RNLS: variants seen among roughly 807,000 people sequenced by gnomAD.
The protein encoded by RNLS is renalase, FAD dependent amine oxidase.
Under a neutral mutation model 39.8 loss-of-function variants are expected in RNLS, and 39 were observed. The ratio of observed to expected loss-of-function variants is 0.98; its 90% CI spans 0.76 to 1.28. The LOEUF (loss-of-function observed/expected upper bound fraction) is 1.28. Among genes scored for constraint, RNLS ranks in the 50% most tolerant of loss-of-function variants. The pLI is 0.00. For missense variants in RNLS, 410 were observed against 413.3 expected (o/e 0.99, Z 0.07); for synonymous variants, 147 against 150.7 (o/e 0.98, Z 0.18).
chr10:88,272,800 T>C (rs548233064), downstream of RNLS, among the ~76,000 whole-genome samples: 2 of 152,324 alleles, frequency 1.3e-5, no homozygotes, highest in Admixed American at 1.3e-4. Context: ...AATTGCAAAA[T>C]TGCTTTGAAT....
intron 6 of RNLS, among the ~76,000 whole-genome samples, chr10:88,304,742 G>T (rs1007798844): frequency 1.3e-5 from 2 of 152,090 alleles, no homozygotes; most frequent in Non-Finnish European, 2.9e-5. Flanking sequence ...GAGATGAAAA[G>T]AATAGAACCA....
At chr10:88,368,229 C>T (rs561073192) in intron 4 of RNLS, among the ~76,000 whole-genome samples, 17 of 151,618 alleles carry the variant, frequency 1.1e-4, no homozygotes, top group South Asian at 4.2e-4. Flanking sequence ...CCAAATATAT[C>T]GAATACTACT....
chr10:88,329,682 C>A (rs1342022250), intron 5 of RNLS, among the ~76,000 whole-genome samples: 1 of 151,214 alleles, frequency 6.6e-6, no homozygotes, highest in Non-Finnish European at 1.5e-5. Flanking sequence ...GATCTATTTT[C>A]AGTATTTTCT....
At chr10:88,251,085 TCAGAGGGAATA>T in the RNLS span, among the ~76,000 whole-genome samples, 1 of 152,220 alleles carries the variant, frequency 6.6e-6, no homozygotes, top group Admixed American at 6.5e-5. Context: ...GCTTGCATAT[TCAGAGGGAATA>T]CAGAGATAAT....
the RNLS span, among the ~76,000 whole-genome samples, chr10:88,171,790 C>T: frequency 2.0e-5 from 3 of 152,108 alleles, no homozygotes; most frequent in Non-Finnish European, 4.4e-5. Flanking sequence ...ACTCATTTCT[C>T]TTATCTAGTT....
chr10:88,571,530 C>T (rs929824921), intron 4 of RNLS, among the ~76,000 whole-genome samples: 1 of 152,166 alleles, frequency 6.6e-6, no homozygotes, highest in Non-Finnish European at 1.5e-5. Context: ...CTAAGACTCC[C>T]TTCAATTCTG....
chr10:88,224,191 G>T, the RNLS span, among the ~76,000 whole-genome samples: 1 of 152,332 alleles, frequency 6.6e-6, no homozygotes, highest in Non-Finnish European at 1.5e-5. Context: ...AGGCTGGGAA[G>T]TCTAAGATCA....
the RNLS span, among the ~76,000 whole-genome samples, chr10:88,180,759 G>T: frequency 0.018 from 2,688 of 152,234 alleles, 89 homozygotes; most frequent in African/African-American, 0.06. Context: ...GCTAGGTAGA[G>T]ATATACAGAC....
chr10:88,296,900 T>A (rs1844133293), intron 6 of RNLS, among the ~76,000 whole-genome samples: 1 of 152,168 alleles, frequency 6.6e-6, no homozygotes, highest in Non-Finnish European at 1.5e-5. Flanking sequence ...CAGAAAGTCA[T>A]AAACACAGAC....
At chr10:88,308,181 G>A (rs1177468729) in intron 6 of RNLS, among the ~76,000 whole-genome samples, 1 of 152,182 alleles carries the variant, frequency 6.6e-6, no homozygotes, top group Non-Finnish European at 1.5e-5. Context: ...CACCCTGGAA[G>A]ACAACCTAGG....
intron 5 of RNLS, among the ~76,000 whole-genome samples, chr10:88,352,458 CCT>C (rs1294901960): frequency 1.3e-5 from 2 of 152,170 alleles, no homozygotes; most frequent in Non-Finnish European, 2.9e-5. Context: ...TTGAGATAAT[CCT>C]GTGGCTTTTG....
intron 4 of RNLS, among the ~76,000 whole-genome samples, chr10:88,517,686 T>C (rs950249455): frequency 1.3e-5 from 2 of 151,870 alleles, no homozygotes; most frequent in African/African-American, 4.8e-5. Flanking sequence ...GTTAAAGAAA[T>C]TTCTTCGAAA....
At chr10:88,433,803 C>T (rs1352492910) in intron 4 of RNLS, among the ~76,000 whole-genome samples, 1 of 152,150 alleles carries the variant, frequency 6.6e-6, no homozygotes, top group Non-Finnish European at 1.5e-5. Context: ...TGCCTTTATA[C>T]TCTTCCACTG....
chr10:88,325,381 A>C (rs1846524271), intron 5 of RNLS, among the ~76,000 whole-genome samples: 1 of 152,192 alleles, frequency 6.6e-6, no homozygotes, highest in Admixed American at 6.5e-5. Flanking sequence ...TTTAGTCTAC[A>C]ATTTTGAGTG....
intron 4 of RNLS, among the ~76,000 whole-genome samples, chr10:88,528,662 G>T (rs889490024): frequency 6.6e-6 from 1 of 151,678 alleles, no homozygotes; most frequent in African/African-American, 2.4e-5. Flanking sequence ...CCTGGCTAAC[G>T]TGGTGAAACC....
the RNLS span, among the ~76,000 whole-genome samples, chr10:88,205,118 G>A: frequency 1.3e-5 from 2 of 152,088 alleles, no homozygotes; most frequent in African/African-American, 4.8e-5. Flanking sequence ...AGTTTCAGAG[G>A]TCAGAACACT....
At chr10:88,359,313 T>TAAAA (rs60973757) in intron 5 of RNLS, among the ~76,000 whole-genome samples, 2 of 147,444 alleles carry the variant, frequency 1.4e-5, no homozygotes, top group Non-Finnish European at 3.0e-5. Context: ...GAAACTACAT[T>TAAAA]AAAAAAAAAA....
At chr10:88,436,468 T>C (rs989327584) in intron 4 of RNLS, among the ~76,000 whole-genome samples, 3 of 152,226 alleles carry the variant, frequency 2.0e-5, no homozygotes, top group Non-Finnish European at 4.4e-5. Context: ...GCCAGTTGTA[T>C]ATTTTATACC....
intron 4 of RNLS, among the ~76,000 whole-genome samples, chr10:88,383,501 C>G (rs910975299): frequency 6.6e-6 from 1 of 152,096 alleles, no homozygotes; most frequent in African/African-American, 2.4e-5. Flanking sequence ...AAAGTTAAAA[C>G]AAGAAGCAAG....
Sources: allele counts gnomAD v4.1 joint callset (sites outside exome capture counted in the v4.1 genomes callset), GRCh38; gene constraint gnomAD v4.1.1; transcripts MANE v1.5; gene names NCBI Gene and HGNC (gene_info 2026-07-23, HGNC 2026-07-21).